The following RTF2 variants were observed in gnomAD, a reference collection of about 807,000 sequenced individuals.
RTF2 encodes the protein UPF0549 protein C20orf43.
A neutral mutation model predicts 38.0 loss-of-function variants in RTF2; 18 were observed. The observed-to-expected ratio is 0.47, with a 90% CI of 0.33 to 0.70. The LOEUF is 0.70. RTF2 is among the 30% of genes least tolerant of loss of function. RTF2 has a pLI of 0.02. For synonymous variants in RTF2, 126 were observed against 137.1 expected (o/e 0.92, Z 0.57); for missense variants, 311 against 379.6 (o/e 0.82, Z 1.50).
rs865978217 is a variant in RTF2 at position 56,489,582 on chromosome 20, G to C, written c.477+5393G>C. Among the ~76,000 whole-genome samples, 6 of 152,202 alleles carry C rather than the reference G, an allele frequency of 3.9e-5. No homozygotes were observed. The East Asian group carries it at 1.2e-3, about 29-fold the overall frequency. ...ACATCCCATCATCTCCCTGTGCCTC[G>C]ATTTTCTCATCCGTTAAAAGTGTCA... On this transcript the variant is annotated intron_variant, in intron 5 of 8. Transcript: ENST00000357348.
chr20:56,513,246 G>A (rs1013797733), intron 5 of RTF2, 69 bp from the exon 6 acceptor site: 1 of 1,539,078 alleles, frequency 6.5e-7, no homozygotes, highest in South Asian at 1.2e-5. Context: ...GGCTGAGAGT[G>A]GGGGACTGAA....
chr20:56,500,111 A>G (rs768192197), intron 5 of RTF2, among the ~76,000 whole-genome samples: 6 of 147,838 alleles, frequency 4.1e-5, no homozygotes, highest in Non-Finnish European at 9.0e-5. Flanking sequence ...CTGGAGTGCA[A>G]TGGCGTGATC....
intron 5 of RTF2, chr20:56,497,418 G>A (rs951063638): frequency 9.1e-6 from 14 of 1,546,702 alleles, no homozygotes; most frequent in East Asian, 2.5e-5. Flanking sequence ...TGCAATTTAG[G>A]GGGCCGCCCC....
chr20:56,478,345 A>G (rs900472561), intron 4 of RTF2, among the ~76,000 whole-genome samples: 59 of 152,114 alleles, frequency 3.9e-4, no homozygotes, highest in African/African-American at 1.3e-3. Flanking sequence ...TTTTTTTTTA[A>G]TTAGCCAGCC....
chr20:56,472,508 C>T (rs906494589), intron 1 of RTF2: 3 of 653,472 alleles, frequency 4.6e-6, no homozygotes, highest in African/African-American at 3.6e-5. Context: ...AGTGAATAAG[C>T]CCCAAAACAC....
At chr20:56,478,381 G>A (rs1275757259) in intron 4 of RTF2, among the ~76,000 whole-genome samples, 1 of 151,960 alleles carries the variant, frequency 6.6e-6, no homozygotes, top group African/African-American at 2.4e-5. Flanking sequence ...TATAGACCTC[G>A]CTACTTGGGA....
chr20:56,474,293 C>A (rs1337509398), intron 2 of RTF2, among the ~76,000 whole-genome samples: 1 of 152,094 alleles, frequency 6.6e-6, no homozygotes, highest in East Asian at 1.9e-4. Context: ...CCAGCCTGGC[C>A]AATATGGTGA....
chr20:56,468,682 T>A lies in RTF2; in HGVS notation c.-16T>A. The A allele has an allele frequency of 1.3e-6, 2 of 1,567,432 alleles. No homozygotes were observed. Among genetic ancestry groups the A allele is most frequent in the Non-Finnish European group, 1.7e-6 (2 of 1,156,192 alleles). ...AGCTTTGGGGGTTTGCTGCTGGCTCTGACTCCCGTCCTGCGATGGGTTGCG... is the reference window on the plus strand; with the variant it reads ...AGCTTTGGGGGTTTGCTGCTGGCTCAGACTCCCGTCCTGCGATGGGTTGCG... On this transcript the variant is annotated 5_prime_UTR_variant, in exon 1 of 9. Coordinates refer to ENST00000357348, the MANE Select transcript of RTF2 (RefSeq NM_016407.5).
At position 56,490,756 on chromosome 20, in the gene RTF2, G is replaced by A. The variant is rs375540349; in HGVS notation, c.477+6567G>A. On this transcript the variant is annotated intron_variant, in intron 5 of 8. Coordinates refer to ENST00000357348, the MANE Select transcript of RTF2 (RefSeq NM_016407.5). ...GGCTTGAACCTGGGAGGCAGAGATT[G>A]CGGTGAGCCGAGATCGTGCCATTGC... 5.3e-5 allele frequency among the ~76,000 whole-genome samples: 8 copies of A among 152,354 alleles called. No individual in the cohort carries two copies. The South Asian group carries it at 1.7e-3, about 32-fold the overall frequency.
intron 2 of RTF2, 121 bp downstream of exon 2, chr20:56,473,516 C>T: frequency 1.6e-6 from 1 of 641,192 alleles, no homozygotes. Flanking sequence ...GAGGCATAGG[C>T]TGTCGTTCCC....
At chr20:56,486,207 C>G (rs1381473902) in intron 5 of RTF2, among the ~76,000 whole-genome samples, 1 of 152,158 alleles carries the variant, frequency 6.6e-6, no homozygotes, top group South Asian at 2.1e-4. Context: ...TTGTAACACT[C>G]TCTTAACTGC....
At position 56,484,245 on chromosome 20, in the gene RTF2, G is replaced by A. The variant is rs1020337809; in HGVS notation, c.477+56G>A. The stretch of plus-strand genomic sequence containing the variant: ...TCTCTGTAGCTGAGGAAATCAGATG[G>A]TTTAGGGTCCTTTCCCTCCATTTGT... On this transcript the variant is annotated intron_variant, in intron 5 of 8. Coordinates refer to ENST00000357348, the MANE Select transcript of RTF2 (RefSeq NM_016407.5). 1.2e-5 allele frequency: 16 copies of A among 1,376,754 alleles called. No homozygotes were observed. The East Asian group carries it at 3.0e-4, about 26-fold the overall frequency. The allele number at this position is 1,376,754 out of a possible 1,614,324, so 85.3% of individuals were successfully genotyped here.
At position 56,474,726 on chromosome 20, in the gene RTF2, AGAAAAGGCTCTT is replaced by A. The variant is rs1203504460; in HGVS notation, c.215_226del (p.Glu72_Leu75del). Reference sequence around the variant, plus strand: ...TTGAATTTCTCTTGGACAAATCTGCAGAAAAGGCTCTTGGGAAGGCAGCATCTCACATTAAAA... The same window carrying A: ...TTGAATTTCTCTTGGACAAATCTGCAGGGAAGGCAGCATCTCACATTAAAA... On this transcript the variant is annotated inframe_deletion, in exon 3 of 9. Coordinates refer to ENST00000357348, the MANE Select transcript of RTF2 (RefSeq NM_016407.5). The A allele has an allele frequency of 6.2e-7, 1 of 1,612,236 alleles. No homozygotes were observed. Among genetic ancestry groups the A allele is most frequent in the Non-Finnish European group, 8.5e-7 (1 of 1,179,392 alleles).
At chr20:56,472,926 G>A (rs1401347833) in intron 1 of RTF2, among the ~76,000 whole-genome samples, 2 of 152,046 alleles carry the variant, frequency 1.3e-5, no homozygotes, top group Non-Finnish European at 2.9e-5. Context: ...GATCATTTGA[G>A]TCCAGGAGTT....
chr20:56,477,265 G>A (rs1982303265), intron 4 of RTF2, 141 bp downstream of exon 4: 2 of 896,016 alleles, frequency 2.2e-6, no homozygotes, highest in African/African-American at 1.7e-5. Flanking sequence ...AGGAAATGGT[G>A]CTTGGTCATG....
At chr20:56,496,593 G>A (rs1263741558) in intron 5 of RTF2, 6 of 1,454,326 alleles carry the variant, frequency 4.1e-6, no homozygotes, top group Non-Finnish European at 5.4e-6. Flanking sequence ...ATCTGCTGCT[G>A]TTGCTGCTGA....
intron 5 of RTF2, among the ~76,000 whole-genome samples, chr20:56,499,195 T>C (rs1301272912): frequency 7.9e-6 from 1 of 127,162 alleles, no homozygotes; most frequent in Non-Finnish European, 1.6e-5. Flanking sequence ...AATACTTATC[T>C]TTTTTTTTTT....
intron 4 of RTF2, among the ~76,000 whole-genome samples, chr20:56,482,978 T>G (rs1377025159): frequency 6.6e-6 from 1 of 152,214 alleles, no homozygotes; most frequent in Non-Finnish European, 1.5e-5. Flanking sequence ...TTATATGTAT[T>G]TAATAACCTC....
chr20:56,481,725 A>T (rs1030141051), intron 4 of RTF2, among the ~76,000 whole-genome samples: 14 of 152,204 alleles, frequency 9.2e-5, no homozygotes, highest in African/African-American at 3.4e-4. Context: ...TAGTACATTC[A>T]CAGTGTTGTA....
Sources: allele counts gnomAD v4.1 joint callset (sites outside exome capture counted in the v4.1 genomes callset), GRCh38; gene constraint gnomAD v4.1.1; transcripts MANE v1.5; gene names NCBI Gene and HGNC (gene_info 2026-07-23, HGNC 2026-07-21).